The following FILIP1L variants were observed in gnomAD, a reference collection of about 807,000 sequenced individuals.
FILIP1L encodes the protein filamin A-interacting protein 1-like.
In FILIP1L, 55 loss-of-function variants were observed where a neutral mutation model predicts 96.6. The ratio of observed to expected loss-of-function variants is 0.57; its 90% CI spans 0.46 to 0.71. The LOEUF (loss-of-function observed/expected upper bound fraction) is 0.71, where lower values mean the gene tolerates loss of function less well. FILIP1L is among the 30% of genes least tolerant of loss of function. The probability of loss-of-function intolerance (pLI) is 0.00; values close to 1 mark genes in which losing one functional copy is unlikely to be tolerated. For missense variants in FILIP1L, 1,304 were observed against 1,321.2 expected (o/e 0.99, Z 0.20); for synonymous variants, 467 against 473.9 (o/e 0.99, Z 0.19).
chr3:100,088,622 A>G (rs922970029), intron 1 of FILIP1L, among the ~76,000 whole-genome samples: 1 of 152,128 alleles, frequency 6.6e-6, no homozygotes, highest in Non-Finnish European at 1.5e-5. Flanking sequence ...AGAGACATCA[A>G]GTTCTTGCAC....
intron 1 of FILIP1L, among the ~76,000 whole-genome samples, chr3:100,097,325 A>T (rs565246338): frequency 6.6e-6 from 1 of 152,310 alleles, no homozygotes; most frequent in African/African-American, 2.4e-5. Flanking sequence ...TGTATTAGAT[A>T]TTGTAAGTAA....
intron 1 of FILIP1L, among the ~76,000 whole-genome samples, chr3:100,021,960 T>TGTGTGAGAGA (rs1321185364): frequency 3.0e-4 from 28 of 93,312 alleles, no homozygotes; most frequent in East Asian, 7.0e-4. Context: ...TGTGTGTGTG[T>TGTGTGAGAGA]GAGAGAGAGA....
chr3:99,945,253 T>C lies in FILIP1L; in HGVS notation c.-10-14223A>G, dbSNP rs566293780. ...AGGGCCATCTCCACCCTTTCCAAAG[T>C]CCCACTCATCGCTACGAAGGAGTGC... On this transcript the variant is annotated intron_variant, in intron 1 of 5. Coordinates refer to ENST00000477258, the MANE Select transcript of FILIP1L (RefSeq NM_001387850.1). Among the ~76,000 whole-genome samples, 525 of 152,276 alleles carry C rather than the reference T, an allele frequency of 3.4e-3. 2 individuals are homozygous for C. The highest frequency in any genetic ancestry group is 4.9e-3 in the Non-Finnish European group (336 of 68,008).
intron 4 of FILIP1L, among the ~76,000 whole-genome samples, chr3:99,918,046 C>T (rs1490451885): frequency 5.3e-5 from 8 of 152,028 alleles, no homozygotes; most frequent in Admixed American, 6.6e-5. Flanking sequence ...GGCGTGATCT[C>T]GGCTCACTGC....
At chr3:99,845,450 G>T (rs747279081) in intron 5 of FILIP1L, among the ~76,000 whole-genome samples, 3 of 152,156 alleles carry the variant, frequency 2.0e-5, no homozygotes, top group Non-Finnish European at 4.4e-5. Flanking sequence ...TCTATCTTCT[G>T]TGAGCCCTCA....
chr3:99,965,719 TG>T (rs1251521147), intron 1 of FILIP1L, among the ~76,000 whole-genome samples: 1 of 152,200 alleles, frequency 6.6e-6, no homozygotes, highest in African/African-American at 2.4e-5. Flanking sequence ...ATGGGCTTAT[TG>T]GGGATTAAGG....
chr3:100,088,105 A>G (rs62285471), intron 1 of FILIP1L, among the ~76,000 whole-genome samples: 27,669 of 152,114 alleles, frequency 0.18, 2,899 homozygotes, highest in South Asian at 0.25. Flanking sequence ...TGCTGGGATT[A>G]CAGGCATGAG....
intron 1 of FILIP1L, among the ~76,000 whole-genome samples, chr3:99,986,276 G>T (rs1442098336): frequency 1.3e-5 from 2 of 152,210 alleles, no homozygotes; most frequent in Non-Finnish European, 2.9e-5. Flanking sequence ...TATGTCCCAG[G>T]AACAGGTGTT....
chr3:99,848,858 C>G lies in FILIP1L; in HGVS notation c.2818G>C (p.Gly940Arg), dbSNP rs1943505007. Residue 940 changes from glycine to arginine, a missense_variant, in exon 5 of 6, where the codon GGC (glycine) becomes CGC (arginine). By Grantham distance (125) the Gly-to-Arg change is moderately radical (BLOSUM62 -2). Transcript: ENST00000477258. ...ATGGTTATCCTTTGCTTTGGCGTGC[C>G]ACAGTTCGGTATCACTGCAGTACTC... ...YTSTAVIPNC[G>R]TPKQRITILQ... 1.9e-6 allele frequency: 3 copies of G among 1,613,954 alleles called. No individual in the cohort carries two copies. Among genetic ancestry groups the G allele is most frequent in the Non-Finnish European group, 2.5e-6 (3 of 1,179,990 alleles).
chr3:99,945,125 G>A (rs1449914752), intron 1 of FILIP1L, among the ~76,000 whole-genome samples: 3 of 152,210 alleles, frequency 2.0e-5, no homozygotes, highest in African/African-American at 7.2e-5. Context: ...TCTCCCTGAT[G>A]CTTTTTGGTG....
At chr3:99,868,556 A>C (rs1944634054) in intron 4 of FILIP1L, among the ~76,000 whole-genome samples, 1 of 152,212 alleles carries the variant, frequency 6.6e-6, no homozygotes, top group Non-Finnish European at 1.5e-5. Flanking sequence ...TTTAAGCTTC[A>C]GGTTAAGAAG....
At chr3:99,864,230 A>G (rs1944401513) in intron 4 of FILIP1L, among the ~76,000 whole-genome samples, 1 of 152,138 alleles carries the variant, frequency 6.6e-6, no homozygotes, top group Non-Finnish European at 1.5e-5. Context: ...TCTTAGTTGA[A>G]AAACTGAGGC....
rs777736564 is a variant in FILIP1L at position 99,989,679 on chromosome 3, TATA to T, written c.-10-58652_-10-58650del. 9.2e-3 allele frequency among the ~76,000 whole-genome samples: 1,321 copies of T among 143,930 alleles called. 23 individuals are homozygous for T. Among genetic ancestry groups the T allele is most frequent in the African/African-American group, 0.028 (1,067 of 38,330 alleles). 94.4% of individuals were successfully genotyped at this position (143,930 alleles called of 152,430 possible). The stretch of plus-strand genomic sequence containing the variant: ...GTATCTTCCTCTATATATATATATA[TATA>T]TATTTTTTTTCTTTTTTTTGCAGAA... On this transcript the variant is annotated intron_variant, in intron 1 of 5. Transcript: ENST00000477258.
chr3:99,848,017 A>C, intron 5 of FILIP1L: 6 of 1,135,216 alleles, frequency 5.3e-6, no homozygotes, highest in Non-Finnish European at 6.5e-6. Flanking sequence ...ATGGAAAATG[A>C]AATACATAAA....
rs145931865 is a variant in FILIP1L at position 100,002,924 on chromosome 3, T to G, written c.-10-71894A>C. 3.0e-3 allele frequency among the ~76,000 whole-genome samples: 459 copies of G among 152,334 alleles called. 2 individuals carry two copies. The highest frequency in any genetic ancestry group is 0.01 in the African/African-American group (424 of 41,576). On this transcript the variant is annotated intron_variant, in intron 1 of 5. Transcript: ENST00000477258. The stretch of plus-strand genomic sequence containing the variant: ...GTGTATGTTCTGAAGCTCTCTCTGC[T>G]GTCTGCAAATCAGACATTCTTGCTG...
At chr3:99,934,315 C>CCA (rs1438167057) in intron 1 of FILIP1L, among the ~76,000 whole-genome samples, 1 of 152,174 alleles carries the variant, frequency 6.6e-6, no homozygotes, top group African/African-American at 2.4e-5. Flanking sequence ...TTCACCACAC[C>CCA]CACAGATTCA....
At chr3:100,037,810 C>T (rs776885953) in intron 1 of FILIP1L, among the ~76,000 whole-genome samples, 40 of 152,138 alleles carry the variant, frequency 2.6e-4, no homozygotes, top group Non-Finnish European at 5.3e-4. Flanking sequence ...GATAACTTGA[C>T]CTCCAGTACA....
chr3:99,975,030 A>T (rs1473208430), intron 1 of FILIP1L, among the ~76,000 whole-genome samples: 3 of 152,192 alleles, frequency 2.0e-5, no homozygotes, highest in Non-Finnish European at 4.4e-5. Context: ...GTCATTAATT[A>T]CAGTTAATAA....
At chr3:99,855,517 T>C (rs1943917550) in intron 4 of FILIP1L, among the ~76,000 whole-genome samples, 1 of 152,200 alleles carries the variant, frequency 6.6e-6, no homozygotes, top group African/African-American at 2.4e-5. Context: ...ATTTTATAGC[T>C]GTGAAAATTG....
Sources: allele counts gnomAD v4.1 joint callset (sites outside exome capture counted in the v4.1 genomes callset), GRCh38; gene constraint gnomAD v4.1.1; transcripts MANE v1.5; gene names NCBI Gene and HGNC (gene_info 2026-07-23, HGNC 2026-07-21).